The following GALNTL6 variants were observed in gnomAD, a reference collection of about 807,000 sequenced individuals.
The protein encoded by GALNTL6 is polypeptide N-acetylgalactosaminyltransferase-like 6.
Under a neutral mutation model 73.7 loss-of-function variants are expected in GALNTL6, and 46 were observed. The ratio of observed to expected loss-of-function variants is 0.62; its 90% CI spans 0.49 to 0.80. The LOEUF is 0.80. GALNTL6 is among the 30% of genes least tolerant of loss of function. GALNTL6 has a pLI of 0.00. For synonymous variants in GALNTL6, 259 were observed against 263.7 expected, an observed-to-expected ratio of 0.98 and a Z score of 0.17; for missense variants, 604 against 755.0, an observed-to-expected ratio of 0.80 and a Z score of 2.34.
At chr4:172,640,017 C>T (rs1211196756) in intron 5 of GALNTL6, among the ~76,000 whole-genome samples, 2 of 152,016 alleles carry the variant, frequency 1.3e-5, no homozygotes, top group East Asian at 3.9e-4. Context: ...CATTACTTTG[C>T]TCCTCTTTAT....
intron 5 of GALNTL6, among the ~76,000 whole-genome samples, chr4:172,361,661 CT>C (rs1341537484): frequency 1.3e-5 from 2 of 152,024 alleles, no homozygotes; most frequent in Admixed American, 6.6e-5. Flanking sequence ...GGTTAACCCC[CT>C]TTTTTTCATT....
intron 5 of GALNTL6, among the ~76,000 whole-genome samples, chr4:172,715,024 C>A (rs1188923689): frequency 6.6e-6 from 1 of 151,690 alleles, no homozygotes; most frequent in Admixed American, 6.6e-5. Flanking sequence ...TAATCAAATT[C>A]TGTATAAAAG....
intron 5 of GALNTL6, among the ~76,000 whole-genome samples, chr4:172,627,672 A>C (rs547996481): frequency 6.6e-6 from 1 of 151,956 alleles, no homozygotes; most frequent in African/African-American, 2.4e-5. Flanking sequence ...TATTTATTCA[A>C]TTTTGAAACT....
intron 2 of GALNTL6, among the ~76,000 whole-genome samples, chr4:172,098,140 G>C (rs1481542466): frequency 6.6e-6 from 1 of 152,010 alleles, no homozygotes; most frequent in Non-Finnish European, 1.5e-5. Context: ...AAAATGTTTA[G>C]GGACTGAGAT....
At chr4:171,891,237 A>G (rs1736751775) in intron 2 of GALNTL6, among the ~76,000 whole-genome samples, 1 of 152,210 alleles carries the variant, frequency 6.6e-6, no homozygotes, top group African/African-American at 2.4e-5. Flanking sequence ...CTCTAAGACC[A>G]AAAGTCTAAA....
At chr4:172,964,577 A>G (rs1034319232) in intron 10 of GALNTL6, among the ~76,000 whole-genome samples, 2 of 152,206 alleles carry the variant, frequency 1.3e-5, no homozygotes, top group African/African-American at 4.8e-5. Context: ...GAATTGTGGA[A>G]CATTCACAAA....
At chr4:172,419,576 C>T (rs1005239244) in intron 5 of GALNTL6, among the ~76,000 whole-genome samples, 4 of 152,148 alleles carry the variant, frequency 2.6e-5, no homozygotes, top group African/African-American at 9.7e-5. Flanking sequence ...AGCTACTGCC[C>T]ATAAACGTTT....
intron 5 of GALNTL6, among the ~76,000 whole-genome samples, chr4:172,678,165 G>C (rs1027824427): frequency 1.3e-5 from 2 of 152,148 alleles, no homozygotes; most frequent in African/African-American, 4.8e-5. Flanking sequence ...AGGCCTACAG[G>C]GCGATTTGGC....
chr4:172,287,600 A>T (rs1477666483), intron 3 of GALNTL6, among the ~76,000 whole-genome samples: 1 of 152,206 alleles, frequency 6.6e-6, no homozygotes, highest in African/African-American at 2.4e-5. Flanking sequence ...CTTTCAGACC[A>T]GGGAGGGCTG....
In GALNTL6 at chr4:172,416,208, A is replaced by G. The variant is rs1180523314; in HGVS notation, c.553+67519A>G. Among the ~76,000 whole-genome samples the G allele has an allele frequency of 2.6e-5, 4 of 152,324 alleles. No individual in the cohort carries two copies. In the East Asian group the frequency reaches 7.7e-4, roughly 29 times the overall value. On this transcript the variant is annotated intron_variant, in intron 5 of 12. Coordinates refer to ENST00000506823, the MANE Select transcript of GALNTL6 (RefSeq NM_001034845.3). ...AGCACAACATTAGACGTAGGTGAAG[A>G]AATAACCTTATTAGTATAGGTCTCC... is the stretch of plus-strand genomic sequence containing the variant.
chr4:172,034,799 A>G (rs1351338726), intron 2 of GALNTL6, among the ~76,000 whole-genome samples: 1 of 152,158 alleles, frequency 6.6e-6, no homozygotes, highest in Non-Finnish European at 1.5e-5. Context: ...TTTGGGGTAC[A>G]TTGCCTTAGG....
chr4:172,480,909 A>G (rs929327747), intron 5 of GALNTL6, among the ~76,000 whole-genome samples: 1 of 152,180 alleles, frequency 6.6e-6, no homozygotes, highest in African/African-American at 2.4e-5. Flanking sequence ...AAAGGATCAA[A>G]GCACACAATG....
At chr4:172,623,560 C>A (rs1739044605) in intron 5 of GALNTL6, among the ~76,000 whole-genome samples, 1 of 152,060 alleles carries the variant, frequency 6.6e-6, no homozygotes, top group Non-Finnish European at 1.5e-5. Context: ...AAGGTACCTA[C>A]TAAAAAGAAC....
At chr4:172,961,738 G>T (rs1043759972) in intron 10 of GALNTL6, among the ~76,000 whole-genome samples, 2 of 152,216 alleles carry the variant, frequency 1.3e-5, no homozygotes, top group Non-Finnish European at 2.9e-5. Context: ...AGAGAATAAA[G>T]AGAGGCTGCT....
intron 2 of GALNTL6, among the ~76,000 whole-genome samples, chr4:171,998,508 G>A (rs1350116404): frequency 2.0e-5 from 3 of 152,088 alleles, no homozygotes; most frequent in South Asian, 2.1e-4. Flanking sequence ...CTCTTTAAAC[G>A]TCCTATCTCC....
intron 3 of GALNTL6, among the ~76,000 whole-genome samples, chr4:172,298,149 CTGTT>C (rs1349828067): frequency 1.3e-5 from 2 of 152,206 alleles, no homozygotes; most frequent in East Asian, 1.9e-4. Flanking sequence ...ATTTGGCTCT[CTGTT>C]TGTCTGTTAT....
At chr4:172,036,449 T>C (rs1741931987) in intron 2 of GALNTL6, among the ~76,000 whole-genome samples, 1 of 152,124 alleles carries the variant, frequency 6.6e-6, no homozygotes, top group Non-Finnish European at 1.5e-5. Flanking sequence ...GTATATTATC[T>C]CATTGTATTC....
intron 5 of GALNTL6, among the ~76,000 whole-genome samples, chr4:172,742,347 A>C (rs185242541): frequency 6.6e-6 from 1 of 151,770 alleles, no homozygotes; most frequent in Non-Finnish European, 1.5e-5. Flanking sequence ...CCCTACCTGC[A>C]ATATGTCACA....
chr4:172,486,167 T>C (rs994836155), intron 5 of GALNTL6, among the ~76,000 whole-genome samples: 4 of 152,184 alleles, frequency 2.6e-5, no homozygotes, highest in African/African-American at 9.7e-5. Flanking sequence ...CACTTTGGTC[T>C]ATAAGGAATA....
Sources: gnomAD v4.1 joint callset for allele counts (sites outside exome capture counted in the v4.1 genomes callset) on GRCh38, gnomAD v4.1.1 for gene constraint, MANE v1.5 for transcripts, NCBI Gene and HGNC (gene_info 2026-07-23, HGNC 2026-07-21) for gene names.